SLC7A9: variants seen among roughly 807,000 people sequenced by gnomAD.
SLC7A9 encodes the protein B(0,+)-type amino acid transporter 1.
A neutral mutation model predicts 54.1 loss-of-function variants in SLC7A9; 38 were observed. The observed-to-expected ratio is 0.70, with a 90% CI of 0.54 to 0.92. The LOEUF (loss-of-function observed/expected upper bound fraction) is 0.92. Among genes scored for constraint, SLC7A9 ranks in the 40% least tolerant of loss-of-function variants. The pLI is 0.00. For synonymous variants in SLC7A9, 264 were observed against 258.9 expected (o/e 1.02, Z -0.19); for missense variants, 537 against 636.1 (o/e 0.84, Z 1.68).
intron 9 of SLC7A9, among the ~76,000 whole-genome samples, chr19:32,850,755 T>A (rs1318594896): frequency 6.6e-6 from 1 of 151,980 alleles, no homozygotes; most frequent in African/African-American, 2.4e-5. Context: ...GAGGCATCAC[T>A]CTACCTGACT....
chr19:32,833,432 A>G (rs1241537057), intron 11 of SLC7A9, 109 bp from the exon 12 acceptor site: 12 of 922,894 alleles, frequency 1.3e-5, no homozygotes, highest in Admixed American at 2.1e-5. Flanking sequence ...CCCTCCTCCA[A>G]TTTCAATCAT....
intron 10 of SLC7A9, 83 bp downstream of exon 10, chr19:32,843,772 C>T (rs1363599298): frequency 1.0e-6 from 1 of 964,720 alleles, no homozygotes; most frequent in East Asian, 2.4e-5. Flanking sequence ...GCATCTGGGT[C>T]ATTTGGAAGC....
At chr19:32,858,933 C>G (rs189214801) in intron 8 of SLC7A9, among the ~76,000 whole-genome samples, 7 of 151,848 alleles carry the variant, frequency 4.6e-5, no homozygotes, top group Non-Finnish European at 1.0e-4. Flanking sequence ...GGATTACAGG[C>G]GCATGCCACC....
At chr19:32,846,869 G>A (rs534745938) in intron 9 of SLC7A9, among the ~76,000 whole-genome samples, 30 of 152,296 alleles carry the variant, frequency 2.0e-4, no homozygotes, top group African/African-American at 6.3e-4. Flanking sequence ...ACCAAAATCC[G>A]CTGTTCTACA....
intron 9 of SLC7A9, among the ~76,000 whole-genome samples, chr19:32,845,527 C>A (rs1461098237): frequency 4.6e-5 from 7 of 152,026 alleles, no homozygotes; most frequent in Non-Finnish European, 8.8e-5. Flanking sequence ...AACAAAAAAA[C>A]CCAGGAGCCC....
Position 32,864,841 on chromosome 19 carries a change from C to T in SLC7A9, c.88-65G>A, listed in dbSNP as rs151121234. The stretch of plus-strand genomic sequence containing the variant: ...CGGACCCAGCCCAGAAGGCCAGGTG[C>T]CACCCTCCCTCGGTACGGCCAGGGC... On this transcript the variant is annotated intron_variant, in intron 2 of 12. Coordinates refer to ENST00000023064, the MANE Select transcript of SLC7A9 (RefSeq NM_014270.5). The T allele has an allele frequency of 3.6e-4, 571 of 1,605,506 alleles. No individual in the cohort carries two copies. The African/African-American group carries it at 6.9e-3, about 19-fold the overall frequency.
intron 6 of SLC7A9, 31 bp downstream of exon 6, chr19:32,862,087 C>G (rs765604427): frequency 6.8e-7 from 1 of 1,476,554 alleles, no homozygotes; most frequent in Non-Finnish European, 9.5e-7. Context: ...CCCACCCACC[C>G]CCAGACTCGG....
chr19:32,853,639 A>C (rs192178653), intron 9 of SLC7A9, among the ~76,000 whole-genome samples: 2 of 152,230 alleles, frequency 1.3e-5, no homozygotes, highest in Non-Finnish European at 2.9e-5. Flanking sequence ...AAATTAAGCC[A>C]GGCCCAGTGG....
chr19:32,863,803 G>A (rs1005207681), intron 4 of SLC7A9, among the ~76,000 whole-genome samples: 35 of 152,262 alleles, frequency 2.3e-4, no homozygotes, highest in Admixed American at 1.9e-3. Flanking sequence ...TTATCAGGGC[G>A]TGGTAAGCAG....
chr19:32,835,900 T>C (rs1476368966), intron 11 of SLC7A9, among the ~76,000 whole-genome samples: 4 of 123,390 alleles, frequency 3.2e-5, no homozygotes, highest in African/African-American at 1.3e-4. Flanking sequence ...TGTGTGTGTG[T>C]GTGTGTGTGT....
intron 9 of SLC7A9, among the ~76,000 whole-genome samples, chr19:32,844,857 C>CAAA (rs386388892): frequency 0.32 from 9,593 of 30,316 alleles, 3,371 homozygotes; most frequent in East Asian, 0.49. Context: ...GAATCCATCT[C>CAAA]AAAAAAAAAA....
At chr19:32,834,558 AGGC>A (rs1335832548) in intron 11 of SLC7A9, among the ~76,000 whole-genome samples, 2 of 151,916 alleles carry the variant, frequency 1.3e-5, no homozygotes, top group African/African-American at 2.4e-5. Context: ...TGAACCCGGG[AGGC>A]GGAGGCTGCA....
intron 9 of SLC7A9, among the ~76,000 whole-genome samples, chr19:32,852,547 CTAAT>C (rs1968499604): frequency 6.6e-6 from 1 of 152,028 alleles, no homozygotes; most frequent in Non-Finnish European, 1.5e-5. Flanking sequence ...GTCACATACT[CTAAT>C]TACAGTGCAG....
chr19:32,859,325 TC>T (rs1179190259), intron 8 of SLC7A9, among the ~76,000 whole-genome samples: 1 of 151,780 alleles, frequency 6.6e-6, no homozygotes, highest in African/African-American at 2.4e-5. Context: ...GAACCCCCAC[TC>T]CAACCGGAAT....
intron 4 of SLC7A9, among the ~76,000 whole-genome samples, chr19:32,863,352 C>T (rs371462197): frequency 5.3e-5 from 8 of 151,478 alleles, no homozygotes; most frequent in South Asian, 2.1e-4. Flanking sequence ...GTCTCGAACT[C>T]GTGACCTCAT....
At chr19:32,857,653 T>C (rs2145835248) in intron 9 of SLC7A9, among the ~76,000 whole-genome samples, 1 of 152,238 alleles carries the variant, frequency 6.6e-6, no homozygotes, top group Admixed American at 6.5e-5. Flanking sequence ...TTCAGAACAC[T>C]GGACAACTAA....
At chr19:32,836,041 G>A (rs770059589) in intron 11 of SLC7A9, among the ~76,000 whole-genome samples, 83 of 151,894 alleles carry the variant, frequency 5.5e-4, no homozygotes, top group Non-Finnish European at 9.9e-4. Flanking sequence ...AGCCTCCCGA[G>A]TAGCTGGAAC....
intron 12 of SLC7A9, among the ~76,000 whole-genome samples, chr19:32,831,921 G>A (rs1967807794): frequency 6.6e-6 from 1 of 152,236 alleles, no homozygotes; most frequent in African/African-American, 2.4e-5. Flanking sequence ...TAATGCTACT[G>A]AACTTTACAC....
At chr19:32,838,690 A>T (rs1968037336) in intron 11 of SLC7A9, among the ~76,000 whole-genome samples, 1 of 105,002 alleles carries the variant, frequency 9.5e-6, no homozygotes. Context: ...AAGATATTAT[A>T]TATGTATATA....
Sources: gnomAD v4.1 joint callset for allele counts (sites outside exome capture counted in the v4.1 genomes callset) on GRCh38, gnomAD v4.1.1 for gene constraint, MANE v1.5 for transcripts, NCBI Gene and HGNC (gene_info 2026-07-23, HGNC 2026-07-21) for gene names.